GLT1D1: variants seen among roughly 807,000 people sequenced by gnomAD.
GLT1D1 encodes glycosyltransferase 1 domain containing 1, also known as glycosyltransferase 1 domain-containing protein 1.
In GLT1D1, 21 loss-of-function variants were observed where a neutral mutation model predicts 28.7. The ratio of observed to expected loss-of-function variants is 0.73; its 90% confidence interval spans 0.52 to 1.05. GLT1D1 has a LOEUF of 1.05. Ranked by LOEUF, GLT1D1 falls within the 50% of genes least tolerant of loss-of-function variation. The pLI, the probability that GLT1D1 is intolerant of heterozygous loss-of-function variation, is 0.00. For missense variants in GLT1D1, 343 were observed against 330.6 expected (o/e 1.04, Z -0.29); for synonymous variants, 147 against 124.8 (o/e 1.18, Z -1.19).
intron 4 of GLT1D1, among the ~76,000 whole-genome samples, chr12:128,908,918 C>T (rs1331290998): frequency 7.9e-5 from 12 of 152,090 alleles, no homozygotes; most frequent in Admixed American, 5.2e-4. Context: ...CCCTGCACTC[C>T]AGCCTGGGCG....
intron 7 of GLT1D1, among the ~76,000 whole-genome samples, chr12:128,962,977 G>A (rs1042747828): frequency 6.6e-6 from 1 of 152,172 alleles, no homozygotes; most frequent in African/African-American, 2.4e-5. Context: ...TGGGATTACA[G>A]GCATGAGCCA....
At chr12:128,878,664 G>A (rs984383291) in intron 2 of GLT1D1, among the ~76,000 whole-genome samples, 2 of 151,862 alleles carry the variant, frequency 1.3e-5, no homozygotes, top group African/African-American at 4.8e-5. Flanking sequence ...CTGGAGTGCA[G>A]TGATACAATC....
intron 4 of GLT1D1, among the ~76,000 whole-genome samples, chr12:128,937,310 G>T (rs1874662981): frequency 6.6e-6 from 1 of 152,162 alleles, no homozygotes; most frequent in Admixed American, 6.5e-5. Context: ...GAAAGGTGGG[G>T]TCTGCTGGAA....
intron 4 of GLT1D1, among the ~76,000 whole-genome samples, chr12:128,911,877 C>G (rs1297648876): frequency 6.6e-6 from 1 of 152,032 alleles, no homozygotes; most frequent in Non-Finnish European, 1.5e-5. Flanking sequence ...CGCTTTCCAC[C>G]CGGCTGTCCT....
chr12:128,915,846 A>T (rs1872056426), intron 4 of GLT1D1, among the ~76,000 whole-genome samples: 1 of 152,182 alleles, frequency 6.6e-6, no homozygotes, highest in South Asian at 2.1e-4. Context: ...AATAGAGTGA[A>T]CTCATCCTTT....
At chr12:128,875,731 C>T (rs1030084138) in intron 1 of GLT1D1, among the ~76,000 whole-genome samples, 183 bp from the exon 2 acceptor site, 12 of 151,788 alleles carry the variant, frequency 7.9e-5, no homozygotes, top group East Asian at 5.8e-4. Context: ...ACCCAGGAGG[C>T]GGAGGTTGCA....
At chr12:128,870,889 G>A (rs1956666732) in intron 1 of GLT1D1, among the ~76,000 whole-genome samples, 1 of 152,172 alleles carries the variant, frequency 6.6e-6, no homozygotes, top group East Asian at 1.9e-4. Context: ...TATTCTGGAG[G>A]CTGAGACACA....
intron 1 of GLT1D1, among the ~76,000 whole-genome samples, chr12:128,854,394 CGTGTGTGTGTGTGTGT>C (rs56655033): frequency 6.3e-5 from 9 of 143,952 alleles, no homozygotes; most frequent in East Asian, 4.2e-4. Flanking sequence ...TAACAGAAGC[CGTGTGTGTGTGTGTGT>C]GTGTGTGTGT....
At chr12:128,899,341 T>C (rs1047592843) in intron 4 of GLT1D1, 54 bp downstream of exon 4, 1 of 1,481,682 alleles carries the variant, frequency 6.7e-7, no homozygotes, top group African/African-American at 1.4e-5. Flanking sequence ...ATTGCAGAAT[T>C]CGAGAACCGA....
intron 3 of GLT1D1, among the ~76,000 whole-genome samples, chr12:128,895,414 G>A (rs1869512365): frequency 6.6e-6 from 1 of 151,726 alleles, no homozygotes; most frequent in African/African-American, 2.4e-5. Context: ...GTCTGGGCAA[G>A]TTAGGGGAGG....
chr12:128,951,271 C>T (rs569151611), intron 6 of GLT1D1, among the ~76,000 whole-genome samples: 7 of 152,192 alleles, frequency 4.6e-5, no homozygotes, highest in East Asian at 1.9e-4. Flanking sequence ...GGTGTGATGA[C>T]GTGCACCTGT....
At chr12:128,973,891 G>T (rs1447297966) in intron 7 of GLT1D1, among the ~76,000 whole-genome samples, 3 of 140,308 alleles carry the variant, frequency 2.1e-5, no homozygotes, top group Non-Finnish European at 3.1e-5. Context: ...GTGTGTAGGG[G>T]GTGTGTGTGT....
intron 1 of GLT1D1, among the ~76,000 whole-genome samples, chr12:128,874,205 T>G (rs1443048020): frequency 6.8e-6 from 1 of 148,072 alleles, no homozygotes; most frequent in Admixed American, 6.9e-5. Context: ...TCTTTCTCTC[T>G]TTCCCTCACT....
chr12:128,939,837 A>ACG (rs1874959604), intron 4 of GLT1D1, among the ~76,000 whole-genome samples: 1 of 97,600 alleles, frequency 1.0e-5, no homozygotes, highest in African/African-American at 4.7e-5. Flanking sequence ...ATTGTTAGAA[A>ACG]CCCCCCCCCA....
chr12:128,967,274 C>T (rs2135533311), intron 7 of GLT1D1, among the ~76,000 whole-genome samples: 1 of 152,322 alleles, frequency 6.6e-6, no homozygotes. Context: ...TTTCTTCAAA[C>T]GCTAATGGCT....
At chr12:128,967,755 C>A (rs143304524) in intron 7 of GLT1D1, among the ~76,000 whole-genome samples, 8 of 152,346 alleles carry the variant, frequency 5.3e-5, no homozygotes, top group African/African-American at 1.9e-4. Flanking sequence ...CATTATGTAA[C>A]ATATTACTTC....
intron 3 of GLT1D1, among the ~76,000 whole-genome samples, 166 bp from the exon 4 acceptor site, chr12:128,899,070 G>A (rs1869951406): frequency 6.6e-6 from 1 of 152,212 alleles, no homozygotes; most frequent in South Asian, 2.1e-4. Context: ...TTTGATGTGA[G>A]TTGAGATTAA....
chr12:128,897,721 T>G (rs1869803437), intron 3 of GLT1D1, among the ~76,000 whole-genome samples: 1 of 152,172 alleles, frequency 6.6e-6, no homozygotes, highest in African/African-American at 2.4e-5. Context: ...CAGGCTGGAG[T>G]GCAGTGGCAC....
intron 2 of GLT1D1, among the ~76,000 whole-genome samples, chr12:128,883,684 G>A (rs553071869): frequency 6.6e-6 from 1 of 151,894 alleles, no homozygotes; most frequent in Admixed American, 6.6e-5. Flanking sequence ...CAAACCTCTA[G>A]CACAAGTACT....
Sources: gnomAD v4.1 joint callset for allele counts (sites outside exome capture counted in the v4.1 genomes callset) on GRCh38, gnomAD v4.1.1 for gene constraint, MANE v1.5 for transcripts, NCBI Gene and HGNC (gene_info 2026-07-23, HGNC 2026-07-21) for gene names.